FAT3: variants seen among roughly 807,000 people sequenced by gnomAD.
The protein encoded by FAT3 is FAT atypical cadherin 3.
FAT3 carries 95 observed loss-of-function variants against 310.2 expected under a neutral mutation model. That is an observed-to-expected ratio of 0.31 (90% CI 0.26 to 0.36). The LOEUF is 0.36. FAT3 is among the 10% of genes least tolerant of loss of function. The pLI is 1.00. For synonymous variants in FAT3, 2,314 were observed against 2,192.9 expected, an observed-to-expected ratio of 1.06 and a Z score of -1.54; for missense variants, 5,408 against 5,715.6, an observed-to-expected ratio of 0.95 and a Z score of 1.74.
chr11:92,787,202 G>A (rs1424614943), intron 7 of FAT3, among the ~76,000 whole-genome samples: 1 of 152,054 alleles, frequency 6.6e-6, no homozygotes, highest in African/African-American at 2.4e-5. Context: ...AAATGAAACA[G>A]CATGGCAGGG....
intron 2 of FAT3, among the ~76,000 whole-genome samples, chr11:92,496,272 G>C (rs904507217): frequency 6.6e-6 from 1 of 152,002 alleles, no homozygotes; most frequent in Admixed American, 6.6e-5. Flanking sequence ...TAATGCATAA[G>C]AGTCAGTAAA....
chr11:92,486,142 T>TTTTTTTTG (rs1952387631), intron 2 of FAT3, among the ~76,000 whole-genome samples: 1 of 138,786 alleles, frequency 7.2e-6, no homozygotes, highest in Non-Finnish European at 1.6e-5. Flanking sequence ...TTTTTTTTTT[T>TTTTTTTTG]TTTTTTTTTT....
chr11:92,728,796 C>T (rs1434164048), intron 4 of FAT3, among the ~76,000 whole-genome samples: 1 of 152,094 alleles, frequency 6.6e-6, no homozygotes, highest in African/African-American at 2.4e-5. Context: ...GGCCACATCC[C>T]TCTAATCTCT....
chr11:92,558,161 CT>C (rs1274516018), intron 3 of FAT3, among the ~76,000 whole-genome samples: 1 of 152,310 alleles, frequency 6.6e-6, no homozygotes, highest in East Asian at 1.9e-4. Flanking sequence ...GCAGAGGGTA[CT>C]TTCTGTCCTC....
chr11:92,649,398 C>A (rs1468055006), intron 3 of FAT3, among the ~76,000 whole-genome samples: 1 of 152,138 alleles, frequency 6.6e-6, no homozygotes, highest in Non-Finnish European at 1.5e-5. Flanking sequence ...CCTTGTAATT[C>A]TGGCCTGAGT....
chr11:92,635,018 A>T (rs902517452), intron 3 of FAT3, among the ~76,000 whole-genome samples: 2 of 152,128 alleles, frequency 1.3e-5, no homozygotes, highest in African/African-American at 4.8e-5. Flanking sequence ...CTTATTAGAA[A>T]CTGGCCATGC....
intron 3 of FAT3, among the ~76,000 whole-genome samples, chr11:92,647,766 T>C (rs1942219616): frequency 6.6e-6 from 1 of 152,116 alleles, no homozygotes; most frequent in Non-Finnish European, 1.5e-5. Flanking sequence ...TCTTAATACC[T>C]CTGGCCCTCT....
intron 4 of FAT3, among the ~76,000 whole-genome samples, chr11:92,754,509 T>A (rs530294587): frequency 1.3e-5 from 2 of 150,182 alleles, no homozygotes; most frequent in Non-Finnish European, 3.0e-5. Context: ...GTGCCTGTAG[T>A]CCCAGCTACT....
intron 2 of FAT3, among the ~76,000 whole-genome samples, chr11:92,401,749 G>A (rs1032721555): frequency 6.6e-6 from 1 of 152,210 alleles, no homozygotes; most frequent in African/African-American, 2.4e-5. Flanking sequence ...GTGAGAATCA[G>A]TACAAAGGTA....
chr11:92,385,233 A>G (rs924927001), intron 2 of FAT3, among the ~76,000 whole-genome samples: 1 of 152,208 alleles, frequency 6.6e-6, no homozygotes, highest in African/African-American at 2.4e-5. Flanking sequence ...ATTACGGTAC[A>G]TCTTTAAATG....
chr11:92,634,229 C>T (rs1296467974), intron 3 of FAT3, among the ~76,000 whole-genome samples: 1 of 152,148 alleles, frequency 6.6e-6, no homozygotes, highest in African/African-American at 2.4e-5. Flanking sequence ...TCTGACCTAC[C>T]AGGATTTCTT....
chr11:92,395,843 T>C (rs920878992), intron 2 of FAT3, among the ~76,000 whole-genome samples: 2 of 152,108 alleles, frequency 1.3e-5, no homozygotes, highest in Admixed American at 1.3e-4. Context: ...CCTCCCAAAG[T>C]GCTGGGATTA....
intron 2 of FAT3, among the ~76,000 whole-genome samples, chr11:92,455,343 T>C (rs1951469017): frequency 6.6e-6 from 1 of 152,218 alleles, no homozygotes; most frequent in Non-Finnish European, 1.5e-5. Context: ...ATTGTGGCTC[T>C]GACAAGCTCC....
At chr11:92,580,758 C>A (rs1938747596) in intron 3 of FAT3, among the ~76,000 whole-genome samples, 1 of 152,086 alleles carries the variant, frequency 6.6e-6, no homozygotes, top group South Asian at 2.1e-4. Flanking sequence ...TGGCTATCCC[C>A]ACTTTTGCCA....
At chr11:92,323,367 G>GAC (rs1339383903) in intron 1 of FAT3, among the ~76,000 whole-genome samples, 1 of 151,982 alleles carries the variant, frequency 6.6e-6, no homozygotes, top group Non-Finnish European at 1.5e-5. Flanking sequence ...TCCCACCACA[G>GAC]ACTCCCAAGT....
At chr11:92,509,707 C>T (rs371755019) in intron 2 of FAT3, among the ~76,000 whole-genome samples, 1 of 152,052 alleles carries the variant, frequency 6.6e-6, no homozygotes, top group Non-Finnish European at 1.5e-5. Flanking sequence ...GTTCCATGTA[C>T]AATGGTGAGA....
At chr11:92,466,214 A>G (rs1951757150) in intron 2 of FAT3, among the ~76,000 whole-genome samples, 1 of 152,158 alleles carries the variant, frequency 6.6e-6, no homozygotes, top group South Asian at 2.1e-4. Context: ...ATCTGTTCTA[A>G]TACCTTCAAA....
intron 2 of FAT3, among the ~76,000 whole-genome samples, chr11:92,416,833 T>C (rs1042593783): frequency 6.6e-6 from 1 of 152,214 alleles, no homozygotes; most frequent in Admixed American, 6.5e-5. Flanking sequence ...TCTAGCATCC[T>C]TTACAGATGC....
chr11:92,880,700 CCATGGCT>C, intron 22 of FAT3, 24 bp from the exon 23 acceptor site: 1 of 1,602,578 alleles, frequency 6.2e-7, no homozygotes, highest in Non-Finnish European at 8.5e-7. Flanking sequence ...GCAGTGGCAT[CCATGGCT>C]CATGAGGTCC....
Sources: gnomAD v4.1 joint callset for allele counts (sites outside exome capture counted in the v4.1 genomes callset) on GRCh38, gnomAD v4.1.1 for gene constraint, MANE v1.5 for transcripts, NCBI Gene and HGNC (gene_info 2026-07-23, HGNC 2026-07-21) for gene names.